The following SMYD3 variants were observed in gnomAD, a reference collection of about 807,000 sequenced individuals.
The protein encoded by SMYD3 is SET and MYND domain containing 3.
A neutral mutation model predicts 57.7 loss-of-function variants in SMYD3; 36 were observed. That is an observed-to-expected ratio of 0.62 (90% CI 0.48 to 0.82). The LOEUF (loss-of-function observed/expected upper bound fraction) is 0.82. Among genes scored for constraint, SMYD3 ranks in the 40% least tolerant of loss-of-function variants. The pLI, the probability that SMYD3 is intolerant of heterozygous loss-of-function variation, is 0.00. For synonymous variants in SMYD3, 211 were observed against 195.0 expected, an observed-to-expected ratio of 1.08 and a Z score of -0.68; for missense variants, 515 against 538.8, an observed-to-expected ratio of 0.96 and a Z score of 0.44.
intron 5 of SMYD3, among the ~76,000 whole-genome samples, chr1:246,213,168 C>T (rs1298349733): frequency 2.0e-5 from 3 of 152,122 alleles, no homozygotes; most frequent in Non-Finnish European, 2.9e-5. Flanking sequence ...CATATGATGT[C>T]GACACAGATA....
intron 5 of SMYD3, among the ~76,000 whole-genome samples, chr1:245,983,812 C>G (rs2058648344): frequency 6.6e-6 from 1 of 152,102 alleles, no homozygotes; most frequent in Non-Finnish European, 1.5e-5. Flanking sequence ...GTTTCGGTTT[C>G]AAGGAATCAG....
chr1:245,787,949 T>G (rs946934439), intron 10 of SMYD3, among the ~76,000 whole-genome samples: 1 of 152,216 alleles, frequency 6.6e-6, no homozygotes, highest in Non-Finnish European at 1.5e-5. Flanking sequence ...ACCTTGCTGC[T>G]GAAGTGTCCT....
intron 1 of SMYD3, among the ~76,000 whole-genome samples, chr1:246,392,463 AG>A (rs2066588496): frequency 6.6e-6 from 1 of 152,052 alleles, no homozygotes; most frequent in Admixed American, 6.6e-5. Context: ...ACTACTTTTG[AG>A]GGGGTTTTTA....
At chr1:245,947,846 T>A (rs1167289651) in intron 5 of SMYD3, among the ~76,000 whole-genome samples, 1 of 152,154 alleles carries the variant, frequency 6.6e-6, no homozygotes, top group Non-Finnish European at 1.5e-5. Flanking sequence ...TCAGAATTAA[T>A]GAAATACAGT....
chr1:245,803,566 T>C (rs982589306), intron 10 of SMYD3, among the ~76,000 whole-genome samples: 3 of 152,184 alleles, frequency 2.0e-5, no homozygotes. Flanking sequence ...GGGAAGAAGA[T>C]GGACGACAAC....
chr1:246,116,016 G>A (rs1009307503), intron 5 of SMYD3, among the ~76,000 whole-genome samples: 1 of 152,140 alleles, frequency 6.6e-6, no homozygotes, highest in Admixed American at 6.5e-5. Flanking sequence ...GCACATGCCT[G>A]TAATCCCAAG....
intron 1 of SMYD3, among the ~76,000 whole-genome samples, chr1:246,421,276 A>G (rs1016516268): frequency 6.6e-6 from 1 of 152,224 alleles, no homozygotes; most frequent in Non-Finnish European, 1.5e-5. Flanking sequence ...ACCTTACAAC[A>G]AAGAATAAAT....
At chr1:245,998,851 A>T (rs1476459713) in intron 5 of SMYD3, among the ~76,000 whole-genome samples, 1 of 152,242 alleles carries the variant, frequency 6.6e-6, no homozygotes, top group Non-Finnish European at 1.5e-5. Flanking sequence ...GCTACGGCAC[A>T]GACAAACCTT....
chr1:246,163,529 A>G lies in SMYD3; in HGVS notation c.531+163672T>C, dbSNP rs113072665. On this transcript the variant is annotated intron_variant, in intron 5 of 11. Transcript: ENST00000490107. ...ACTCTACCTGCTAGACTTGGAACAGATCAGATTTTGCAAGAGGCATCAGGG... is the reference window on the plus strand; with the variant it reads ...ACTCTACCTGCTAGACTTGGAACAGGTCAGATTTTGCAAGAGGCATCAGGG... Among the ~76,000 whole-genome samples, 244 of 152,322 alleles carry G rather than the reference A, an allele frequency of 1.6e-3. 1 individual carries two copies. Among genetic ancestry groups the G allele is most frequent in the African/African-American group, 5.4e-3 (226 of 41,576 alleles).
At chr1:246,240,829 A>G (rs552742171) in intron 5 of SMYD3, among the ~76,000 whole-genome samples, 5 of 152,100 alleles carry the variant, frequency 3.3e-5, no homozygotes, top group Admixed American at 3.3e-4. Context: ...TTGGATTCCT[A>G]GGTATTTTAT....
At chr1:245,810,763 G>C (rs1451943791) in intron 10 of SMYD3, among the ~76,000 whole-genome samples, 2 of 50,112 alleles carry the variant, frequency 4.0e-5, no homozygotes, top group Non-Finnish European at 2.2e-4. Context: ...GAGAACTGCA[G>C]AGAAAGACGC....
intron 5 of SMYD3, among the ~76,000 whole-genome samples, chr1:246,057,797 T>G (rs2148344477): frequency 6.6e-6 from 1 of 152,352 alleles, no homozygotes; most frequent in Admixed American, 6.5e-5. Flanking sequence ...AAAATCTGCA[T>G]GTGGATACTG....
chr1:246,386,736 T>A (rs1178180012), intron 1 of SMYD3, among the ~76,000 whole-genome samples: 1 of 152,148 alleles, frequency 6.6e-6, no homozygotes, highest in Non-Finnish European at 1.5e-5. Flanking sequence ...TTTTACCTCT[T>A]GGTCTCTATA....
chr1:246,463,818 G>A (rs1454117793), intron 1 of SMYD3, among the ~76,000 whole-genome samples: 12 of 126,654 alleles, frequency 9.5e-5, no homozygotes, highest in Admixed American at 9.0e-4. Context: ...CCTGGGAGAC[G>A]GCGAGACCCC....
chr1:245,924,242 C>T (rs1050759584), intron 7 of SMYD3, among the ~76,000 whole-genome samples: 3 of 152,028 alleles, frequency 2.0e-5, no homozygotes, highest in Non-Finnish European at 4.4e-5. Context: ...ATCAGCAATC[C>T]AGTCAAGTGA....
At chr1:246,416,944 T>C (rs1275714033) in intron 1 of SMYD3, among the ~76,000 whole-genome samples, 2 of 152,248 alleles carry the variant, frequency 1.3e-5, no homozygotes, top group African/African-American at 2.4e-5. Flanking sequence ...AAGATTAACC[T>C]GAGAAGAAAA....
chr1:246,506,996 CCTCCCCAG>C, intron 1 of SMYD3, 50 bp downstream of exon 1: 4 of 815,826 alleles, frequency 4.9e-6, no homozygotes, highest in Non-Finnish European at 6.8e-6. Context: ...GACGCCCCCC[CCTCCCCAG>C]CACCCCACAC....
intron 5 of SMYD3, among the ~76,000 whole-genome samples, chr1:245,943,857 A>T (rs2147909050): frequency 6.6e-6 from 1 of 152,334 alleles, no homozygotes; most frequent in East Asian, 1.9e-4. Flanking sequence ...AATGTAATTC[A>T]TCACATAAAT....
intron 8 of SMYD3, among the ~76,000 whole-genome samples, chr1:245,879,613 A>T (rs1029406609): frequency 1.3e-5 from 2 of 152,216 alleles, no homozygotes; most frequent in Non-Finnish European, 2.9e-5. Context: ...GTTATTCTTC[A>T]TCAGGAGAGA....
Sources: allele counts gnomAD v4.1 joint callset (sites outside exome capture counted in the v4.1 genomes callset), GRCh38; gene constraint gnomAD v4.1.1; transcripts MANE v1.5; gene names NCBI Gene and HGNC (gene_info 2026-07-23, HGNC 2026-07-21).